The following NAALADL2 variants were observed in gnomAD, a reference collection of about 807,000 sequenced individuals.
NAALADL2 encodes inactive N-acetylated-alpha-linked acidic dipeptidase-like protein 2.
In NAALADL2, 76 loss-of-function variants were observed where a neutral mutation model predicts 87.2. The observed-to-expected ratio is 0.87, with a 90% CI of 0.72 to 1.05. NAALADL2 has a LOEUF of 1.05. Ranked by LOEUF, NAALADL2 falls within the 50% of genes least tolerant of loss-of-function variation. The pLI, the probability that NAALADL2 is intolerant of heterozygous loss-of-function variation, is 0.00. For missense variants in NAALADL2, 1,089 were observed against 945.8 expected (o/e 1.15, Z -1.99); for synonymous variants, 354 against 331.0 (o/e 1.07, Z -0.75).
intron 1 of NAALADL2, among the ~76,000 whole-genome samples, chr3:174,968,872 C>A (rs560316550): frequency 2.0e-5 from 3 of 152,060 alleles, no homozygotes; most frequent in Non-Finnish European, 2.9e-5. Context: ...AAGAAAGAGA[C>A]CTTTGGGCCA....
At chr3:175,683,061 G>A (rs1269971925) in intron 11 of NAALADL2, among the ~76,000 whole-genome samples, 1 of 151,978 alleles carries the variant, frequency 6.6e-6, no homozygotes, top group Non-Finnish European at 1.5e-5. Flanking sequence ...AAAATTGTGA[G>A]AGGTGATACA....
chr3:175,619,263 G>GGA (rs750423638), intron 10 of NAALADL2, among the ~76,000 whole-genome samples: 11,295 of 77,040 alleles, frequency 0.15, 549 homozygotes, highest in African/African-American at 0.24. Context: ...AAGGAAGGAA[G>GGA]GAAGGAGAAG....
intron 3 of NAALADL2, among the ~76,000 whole-genome samples, chr3:175,255,480 G>T (rs1749774680): frequency 6.6e-6 from 1 of 151,964 alleles, no homozygotes; most frequent in Admixed American, 6.6e-5. Context: ...TTTTTAATCA[G>T]CCTCTCTGTG....
intron 1 of NAALADL2, among the ~76,000 whole-genome samples, chr3:174,879,870 T>C (rs2109690123): frequency 6.6e-6 from 1 of 152,186 alleles, no homozygotes; most frequent in South Asian, 2.1e-4. Context: ...GTTCTCAAAT[T>C]CATTAGTAAA....
chr3:175,494,280 A>G (rs1032117123), intron 9 of NAALADL2, among the ~76,000 whole-genome samples: 2 of 152,162 alleles, frequency 1.3e-5, no homozygotes, highest in Non-Finnish European at 2.9e-5. Flanking sequence ...TGAAGCATTT[A>G]AACCATTTTA....
chr3:175,706,395 C>T (rs765499465), intron 11 of NAALADL2, among the ~76,000 whole-genome samples: 76 of 151,918 alleles, frequency 5.0e-4, no homozygotes, highest in Admixed American at 3.9e-3. Flanking sequence ...AGATTAGCAA[C>T]GACAACTAAT....
chr3:175,347,097 T>C (rs1014126097), intron 5 of NAALADL2, among the ~76,000 whole-genome samples: 4 of 152,140 alleles, frequency 2.6e-5, no homozygotes, highest in African/African-American at 7.2e-5. Context: ...TGCTATTACA[T>C]TGGGCTGCCT....
At chr3:175,183,493 G>T (rs1390554778) in intron 2 of NAALADL2, among the ~76,000 whole-genome samples, 1 of 151,928 alleles carries the variant, frequency 6.6e-6, no homozygotes, top group Non-Finnish European at 1.5e-5. Flanking sequence ...GGCCTTTATT[G>T]TGTTAAGGTA....
At chr3:174,491,726 C>T (rs1718205460) in intron 1 of NAALADL2, among the ~76,000 whole-genome samples, 1 of 151,998 alleles carries the variant, frequency 6.6e-6, no homozygotes, top group African/African-American at 2.4e-5. Context: ...ATCATATAGT[C>T]TTATGTTCTA....
rs964051920 is a variant in NAALADL2 at position 175,314,882 on chromosome 3, C to G, written c.940-9293C>G. 2.0e-5 allele frequency among the ~76,000 whole-genome samples: 3 copies of G among 150,904 alleles called. No individual in the cohort carries two copies. The Admixed American group carries it at 2.0e-4, about 10-fold the overall frequency. Reference sequence around the variant, plus strand: ...ACATATCATAATTTATTCATCAACTCGACAACAATAGAAATATTATTTTCT... The same window carrying G: ...ACATATCATAATTTATTCATCAACTGGACAACAATAGAAATATTATTTTCT... On this transcript the variant is annotated intron_variant, in intron 4 of 13. Coordinates refer to ENST00000454872, the MANE Select transcript of NAALADL2 (RefSeq NM_207015.3).
chr3:174,601,230 C>G (rs535735630), intron 2 of NAALADL2, among the ~76,000 whole-genome samples: 2 of 152,238 alleles, frequency 1.3e-5, no homozygotes, highest in South Asian at 4.1e-4. Context: ...TTCTCCATAG[C>G]AGTTGTACAA....
chr3:175,340,625 A>G (rs933872858), intron 5 of NAALADL2, among the ~76,000 whole-genome samples: 4 of 152,144 alleles, frequency 2.6e-5, no homozygotes, highest in African/African-American at 4.8e-5. Flanking sequence ...GGCTTCTTCA[A>G]CTGGCCCTAG....
intron 2 of NAALADL2, among the ~76,000 whole-genome samples, chr3:174,621,560 T>C (rs920902831): frequency 6.6e-6 from 1 of 152,054 alleles, no homozygotes; most frequent in African/African-American, 2.4e-5. Flanking sequence ...ATAGACCTCA[T>C]GTAATGAGGA....
chr3:174,522,350 G>T (rs1436014443), intron 1 of NAALADL2, among the ~76,000 whole-genome samples: 1 of 152,068 alleles, frequency 6.6e-6, no homozygotes, highest in African/African-American at 2.4e-5. Context: ...AAGAGTATTC[G>T]TGAATGAGAC....
chr3:175,243,987 C>A (rs1208060232), intron 3 of NAALADL2, among the ~76,000 whole-genome samples: 1 of 152,148 alleles, frequency 6.6e-6, no homozygotes, highest in Non-Finnish European at 1.5e-5. Context: ...TCCTGCTCCT[C>A]AAGCAACTGG....
intron 3 of NAALADL2, among the ~76,000 whole-genome samples, chr3:174,793,309 A>G (rs1192949203): frequency 6.6e-6 from 1 of 152,152 alleles, no homozygotes; most frequent in Non-Finnish European, 1.5e-5. Flanking sequence ...ATTGTTTAAC[A>G]ATACAAGTCA....
At chr3:175,692,992 A>T (rs188291944) in intron 11 of NAALADL2, among the ~76,000 whole-genome samples, 2 of 152,306 alleles carry the variant, frequency 1.3e-5, no homozygotes, top group Non-Finnish European at 2.9e-5. Context: ...AAAAGCTGTA[A>T]AGCTCAGAGT....
intron 1 of NAALADL2, among the ~76,000 whole-genome samples, chr3:174,464,872 AT>A (rs1232146042): frequency 6.6e-6 from 1 of 152,024 alleles, no homozygotes; most frequent in Non-Finnish European, 1.5e-5. Context: ...GTTAGACCAT[AT>A]TTTCCTTCCT....
intron 1 of NAALADL2, among the ~76,000 whole-genome samples, chr3:175,073,276 A>G (rs1350027622): frequency 1.3e-5 from 2 of 152,052 alleles, no homozygotes; most frequent in African/African-American, 4.8e-5. Flanking sequence ...ATCAAAGTTT[A>G]TATTGTTTGC....
Sources: gnomAD v4.1 joint callset for allele counts (sites outside exome capture counted in the v4.1 genomes callset) on GRCh38, gnomAD v4.1.1 for gene constraint, MANE v1.5 for transcripts, NCBI Gene and HGNC (gene_info 2026-07-23, HGNC 2026-07-21) for gene names.